The following STAU2 variants were observed in gnomAD, a reference collection of about 807,000 sequenced individuals.
STAU2 encodes the protein double-stranded RNA-binding protein Staufen homolog 2.
In STAU2, 20 loss-of-function variants were observed where a neutral mutation model predicts 65.9. That is an observed-to-expected ratio of 0.30 (90% CI 0.21 to 0.44). The LOEUF (loss-of-function observed/expected upper bound fraction) is 0.44, where lower values mean the gene tolerates loss of function less well. STAU2 is among the 20% of genes least tolerant of loss of function. STAU2 has a pLI of 1.00. For missense variants in STAU2, 558 were observed against 683.9 expected (o/e 0.82, Z 2.05); for synonymous variants, 232 against 233.9 (o/e 0.99, Z 0.07).
intron 9 of STAU2, among the ~76,000 whole-genome samples, chr8:73,608,321 G>A (rs1812181779): frequency 6.6e-6 from 1 of 152,006 alleles, no homozygotes; most frequent in Non-Finnish European, 1.5e-5. Context: ...AACATTAGGT[G>A]ACAAGGCCAA....
intron 13 of STAU2, among the ~76,000 whole-genome samples, chr8:73,502,932 T>G (rs1319938862): frequency 1.3e-5 from 2 of 152,104 alleles, no homozygotes; most frequent in African/African-American, 4.8e-5. Flanking sequence ...TTATCATAAT[T>G]TTGTATTTGG....
At chr8:73,652,467 G>C (rs533339909) in intron 6 of STAU2, 1 of 152,056 alleles carries the variant, frequency 6.6e-6, no homozygotes, top group Non-Finnish European at 1.5e-5. Context: ...CAGCACTTTG[G>C]GAGGCCAAGG....
intron 13 of STAU2, among the ~76,000 whole-genome samples, chr8:73,469,521 C>T (rs1158195028): frequency 1.3e-5 from 2 of 150,100 alleles, no homozygotes; most frequent in Non-Finnish European, 3.0e-5. Flanking sequence ...AGTAGAAGGA[C>T]TGAGTAAGGA....
At chr8:73,705,719 G>C (rs1440990673) in intron 4 of STAU2, among the ~76,000 whole-genome samples, 12 of 152,240 alleles carry the variant, frequency 7.9e-5, no homozygotes, top group South Asian at 4.1e-4. Context: ...ACAAGGCAAA[G>C]ACTAAAATAA....
At chr8:73,658,944 A>AAC (rs1554557763) in intron 6 of STAU2, among the ~76,000 whole-genome samples, 10 of 20,332 alleles carry the variant, frequency 4.9e-4, no homozygotes, top group South Asian at 2.3e-3. Flanking sequence ...CAAAAACAAC[A>AAC]AAAAAAAAAA....
At chr8:73,582,731 T>C (rs371332219) in intron 12 of STAU2, 39 bp downstream of exon 12, 116 of 1,601,806 alleles carry the variant, frequency 7.2e-5, no homozygotes, top group Non-Finnish European at 9.1e-5. Flanking sequence ...GAGCCACTGA[T>C]GAACACCAAG....
intron 11 of STAU2, 124 bp from the exon 12 acceptor site, chr8:73,582,954 T>A (rs570467986): frequency 2.6e-6 from 2 of 759,024 alleles, no homozygotes; most frequent in South Asian, 3.6e-5. Flanking sequence ...ATTATCTCTA[T>A]CTTTGACCCT....
chr8:73,460,112 G>A (rs556087241), intron 13 of STAU2, among the ~76,000 whole-genome samples: 2 of 152,326 alleles, frequency 1.3e-5, no homozygotes, highest in South Asian at 4.1e-4. Flanking sequence ...TTCAAGTTAT[G>A]TATCTGTATC....
chr8:73,445,598 G>C lies in STAU2; in HGVS notation c.1531-22896C>G, dbSNP rs748122548. ...AAGCTACAACAGGGAGGAAATATTC[G>C]CAGACCACATATCTGACAGAGGGCC... On this transcript the variant is annotated intron_variant, in intron 13 of 14. Transcript: ENST00000524300. Among the ~76,000 whole-genome samples, 12 of 152,256 alleles carry C rather than the reference G, an allele frequency of 7.9e-5. No individual in the cohort carries two copies. The East Asian group carries it at 2.3e-3, about 29-fold the overall frequency.
intron 6 of STAU2, among the ~76,000 whole-genome samples, chr8:73,628,060 C>T (rs1813820496): frequency 6.6e-6 from 1 of 151,126 alleles, no homozygotes; most frequent in Non-Finnish European, 1.5e-5. Flanking sequence ...CAAAAACATA[C>T]AATTTTTTTT....
Position 73,635,952 on chromosome 8 carries a change from C to CACACACACACA in STAU2, c.411-18502_411-18501insTGTGTGTGTGT, listed in dbSNP as rs1586165974. On this transcript the variant is annotated intron_variant, in intron 6 of 14. Coordinates refer to ENST00000524300, the MANE Select transcript of STAU2 (RefSeq NM_001164380.2). ...CACACACACACACACACACACACAC[C>CACACACACACA]CCTGGAACCAATTCAAAGAAATTTA... is the stretch of plus-strand genomic sequence containing the variant. Among the ~76,000 whole-genome samples, 621 of 80,228 alleles carry CACACACACACA rather than the reference C, an allele frequency of 7.7e-3. 7 individuals carry two copies. The highest frequency in any genetic ancestry group is 0.02 in the African/African-American group (444 of 22,544). 52.6% of individuals were successfully genotyped at this position (80,228 alleles called of 152,430 possible).
intron 13 of STAU2, among the ~76,000 whole-genome samples, chr8:73,539,963 A>G (rs1806438326): frequency 6.6e-6 from 1 of 152,002 alleles, no homozygotes; most frequent in Admixed American, 6.6e-5. Context: ...CCAGAAGGAA[A>G]AAGAGAGAAA....
intron 3 of STAU2, among the ~76,000 whole-genome samples, chr8:73,732,434 C>T (rs928174837): frequency 1.3e-5 from 2 of 152,180 alleles, no homozygotes; most frequent in South Asian, 2.1e-4. Flanking sequence ...GTGTAAATAT[C>T]GGGATGCCGG....
chr8:73,549,397 A>C (rs1807160348), intron 13 of STAU2, among the ~76,000 whole-genome samples: 1 of 152,194 alleles, frequency 6.6e-6, no homozygotes, highest in Non-Finnish European at 1.5e-5. Flanking sequence ...AGAACTGCTG[A>C]GAATGTGTAA....
chr8:73,619,667 G>A (rs1310925654), intron 6 of STAU2, among the ~76,000 whole-genome samples: 2 of 152,148 alleles, frequency 1.3e-5, no homozygotes, highest in Non-Finnish European at 2.9e-5. Context: ...ATAAGCACCT[G>A]GAAAGGGTAA....
intron 13 of STAU2, among the ~76,000 whole-genome samples, chr8:73,439,420 C>T (rs957781940): frequency 6.6e-6 from 1 of 152,222 alleles, no homozygotes; most frequent in African/African-American, 2.4e-5. Flanking sequence ...AGTTCGAGAC[C>T]AGCCTGGCCA....
chr8:73,687,202 A>AT (rs11293045), intron 5 of STAU2, among the ~76,000 whole-genome samples: 11 of 139,184 alleles, frequency 7.9e-5, no homozygotes, highest in Non-Finnish European at 1.2e-4. Flanking sequence ...TATATTATAA[A>AT]TTTTTTAATT....
intron 13 of STAU2, among the ~76,000 whole-genome samples, chr8:73,473,709 T>C (rs1444935109): frequency 1.3e-5 from 2 of 152,178 alleles, no homozygotes; most frequent in African/African-American, 4.8e-5. Flanking sequence ...CACTGCCTAG[T>C]CTAACACCTC....
chr8:73,434,113 T>C (rs1397623543), intron 13 of STAU2, among the ~76,000 whole-genome samples: 1 of 151,800 alleles, frequency 6.6e-6, no homozygotes, highest in Non-Finnish European at 1.5e-5. Context: ...GAACATTTCC[T>C]GGCTGTGGTC....
Sources: allele counts gnomAD v4.1 joint callset (sites outside exome capture counted in the v4.1 genomes callset), GRCh38; gene constraint gnomAD v4.1.1; transcripts MANE v1.5; gene names NCBI Gene and HGNC (gene_info 2026-07-23, HGNC 2026-07-21).